AGAP1: variants seen among roughly 807,000 people sequenced by gnomAD.
The protein encoded by AGAP1 is arf-GAP with GTPase, ANK repeat and PH domain-containing protein 1.
Under a neutral mutation model 105.3 loss-of-function variants are expected in AGAP1, and 29 were observed. The ratio of observed to expected loss-of-function variants is 0.28; its 90% CI spans 0.21 to 0.38. The LOEUF (loss-of-function observed/expected upper bound fraction) is 0.38, where lower values mean the gene tolerates loss of function less well. Ranked by LOEUF, AGAP1 falls within the 10% of genes least tolerant of loss-of-function variation. The pLI is 1.00. For missense variants in AGAP1, 998 were observed against 1,165.1 expected, an observed-to-expected ratio of 0.86 and a Z score of 2.09; for synonymous variants, 509 against 485.9, an observed-to-expected ratio of 1.05 and a Z score of -0.63.
chr2:235,560,824 C>T (rs1034056326), intron 1 of AGAP1, among the ~76,000 whole-genome samples: 2 of 152,186 alleles, frequency 1.3e-5, no homozygotes, highest in Admixed American at 1.3e-4. Context: ...TGAGTGGTCA[C>T]GGCGGCAGTA....
At chr2:235,530,974 T>C (rs1483346032) in intron 1 of AGAP1, among the ~76,000 whole-genome samples, 1 of 152,124 alleles carries the variant, frequency 6.6e-6, no homozygotes, top group African/African-American at 2.4e-5. Context: ...CGGTTGAGGG[T>C]AGGGGGACAC....
At position 235,911,374 on chromosome 2, in the gene AGAP1, G is replaced by A. The variant is rs188841713; in HGVS notation, c.1324+2468G>A. On this transcript the variant is annotated intron_variant, in intron 11 of 17. Transcript: ENST00000304032. ...GATGCTGCGGTCGGCTCCCCAGGAGGTAGGCCAGGCTTCAAGGGATGGGGG... is the reference window on the plus strand; with the variant it reads ...GATGCTGCGGTCGGCTCCCCAGGAGATAGGCCAGGCTTCAAGGGATGGGGG... Among the ~76,000 whole-genome samples the A allele has an allele frequency of 3.8e-3, 577 of 152,288 alleles. 2 individuals carry two copies. Among genetic ancestry groups the A allele is most frequent in the Non-Finnish European group, 5.7e-3 (391 of 68,024 alleles).
In AGAP1 at chr2:235,611,121, C is replaced by G. The variant is rs576966832; in HGVS notation, c.164-98058C>G. ...CTTCCACTGCCCCGAGGGGAGGACT[C>G]TGCCCTACTGGATCCTCCACCTCTC... On this transcript the variant is annotated intron_variant, in intron 1 of 17. Coordinates refer to ENST00000304032, the MANE Select transcript of AGAP1 (RefSeq NM_001037131.3). This position sits in a 1 kb window ranked among gnomAD's most constrained non-coding sequence, Gnocchi z 5.0. Among the ~76,000 whole-genome samples the G allele has an allele frequency of 6.9e-3, 993 of 144,542 alleles. 12 individuals are homozygous for G. Among genetic ancestry groups the G allele is most frequent in the African/African-American group, 0.028 (969 of 34,300 alleles). The allele number at this position is 144,542 out of a possible 152,430, so 94.8% of individuals were successfully genotyped here.
intron 1 of AGAP1, among the ~76,000 whole-genome samples, chr2:235,643,047 A>AG (rs959616355): frequency 1.3e-5 from 2 of 152,182 alleles, no homozygotes; most frequent in African/African-American, 4.8e-5. Flanking sequence ...GACAGACTCC[A>AG]GGGACCAGCT....
At chr2:236,039,340 G>A (rs1451372350) in intron 14 of AGAP1, among the ~76,000 whole-genome samples, 1 of 152,130 alleles carries the variant, frequency 6.6e-6, no homozygotes, top group East Asian at 1.9e-4. Flanking sequence ...AGCTACTCAG[G>A]AGGCTGAGGT....
intron 1 of AGAP1, among the ~76,000 whole-genome samples, chr2:235,657,779 C>T (rs985142872): frequency 5.3e-5 from 8 of 152,266 alleles, no homozygotes; most frequent in Non-Finnish European, 1.0e-4. Context: ...CCCAGTGCCT[C>T]ATAATGCGAT....
rs1334467360 is a variant in AGAP1 at position 235,615,911 on chromosome 2, C to G, written c.164-93268C>G. ...ACAAAAATATGTATTACATATAGAG[C>G]ATTGTCTTCTATATGTAAAGAGTTC... On this transcript the variant is annotated intron_variant, in intron 1 of 17. Transcript: ENST00000304032. The surrounding 1 kb of genome is among the most constrained non-coding windows in gnomAD (Gnocchi z 5.0). Among the ~76,000 whole-genome samples the G allele has an allele frequency of 6.6e-6, 1 of 152,078 alleles. No individual in the cohort carries two copies. Among genetic ancestry groups the G allele is most frequent in the African/African-American group, 2.4e-5 (1 of 41,412 alleles).
chr2:235,679,573 C>G (rs1200911747), intron 1 of AGAP1, among the ~76,000 whole-genome samples: 2 of 152,228 alleles, frequency 1.3e-5, no homozygotes, highest in African/African-American at 2.4e-5. Context: ...CCTTCCCACT[C>G]CTCTTATTCG....
At chr2:236,115,611 C>T (rs1255239097) in intron 16 of AGAP1, among the ~76,000 whole-genome samples, 3 of 152,146 alleles carry the variant, frequency 2.0e-5, no homozygotes, top group African/African-American at 7.2e-5. Flanking sequence ...GCTGAAGTAG[C>T]ACCAAAAAAC....
At chr2:235,537,859 G>A (rs1273203298) in intron 1 of AGAP1, among the ~76,000 whole-genome samples, 6 of 152,054 alleles carry the variant, frequency 3.9e-5, no homozygotes, top group African/African-American at 4.8e-5. Flanking sequence ...TTTCTGCACG[G>A]CATTAAGTCA....
intron 1 of AGAP1, among the ~76,000 whole-genome samples, chr2:235,514,167 CACA>C: frequency 1.1e-5 from 1 of 92,776 alleles, no homozygotes; most frequent in Non-Finnish European, 2.4e-5. Flanking sequence ...CGCGCGCACA[CACA>C]CACACACACA....
chr2:235,535,126 A>T lies in AGAP1; in HGVS notation c.163+40277A>T, dbSNP rs143545977. Among the ~76,000 whole-genome samples, 167 of 152,222 alleles carry T rather than the reference A, an allele frequency of 1.1e-3. No homozygotes were observed. The highest frequency in any genetic ancestry group is 2.9e-3 in the Admixed American group (44 of 15,292). ...TGGATTCTCGCCAGGGCCAATACTT[A>T]TCCGCAGGGGTGTGTGCCAGGCAGC... On this transcript the variant is annotated intron_variant, in intron 1 of 17. Coordinates refer to ENST00000304032, the MANE Select transcript of AGAP1 (RefSeq NM_001037131.3). This position sits in a 1 kb window ranked among gnomAD's most constrained non-coding sequence, Gnocchi z 5.1.
chr2:235,843,533 A>C lies in AGAP1; in HGVS notation c.1050+36202A>C, dbSNP rs1205763437. ...TGCACAGCACTCTTTCTGCTGTGGG[A>C]TGCCTCCGCCTCCCTTCGTTCCCCA... On this transcript the variant is annotated intron_variant, in intron 9 of 17. Transcript: ENST00000304032. The surrounding 1 kb of genome is among the most constrained non-coding windows in gnomAD (Gnocchi z 5.9). 6.6e-6 allele frequency among the ~76,000 whole-genome samples: 1 copy of C among 151,970 alleles called. No individual in the cohort carries two copies. Among genetic ancestry groups the C allele is most frequent in the African/African-American group, 2.4e-5 (1 of 41,358 alleles).
Position 235,691,690 on chromosome 2 carries a change from A to G in AGAP1, c.164-17489A>G, listed in dbSNP as rs1949740964. On this transcript the variant is annotated intron_variant, in intron 1 of 17. Transcript: ENST00000304032. This position sits in a 1 kb window ranked among gnomAD's most constrained non-coding sequence, Gnocchi z 4.4. The stretch of plus-strand genomic sequence containing the variant: ...TTATGCACATCTGCAGAAGGCTGCA[A>G]GCTGGGGAACTGAGGGGCCTCTTGG... Among the ~76,000 whole-genome samples, 1 of 152,224 alleles carries G rather than the reference A, an allele frequency of 6.6e-6. No individual in the cohort carries two copies. The highest frequency in any genetic ancestry group is 1.5e-5 in the Non-Finnish European group (1 of 68,034).
chr2:236,042,875 A>G lies in AGAP1; in HGVS notation c.1891+2034A>G, dbSNP rs373158561. On this transcript the variant is annotated intron_variant, in intron 15 of 17. Coordinates refer to ENST00000304032, the MANE Select transcript of AGAP1 (RefSeq NM_001037131.3). This position sits in a 1 kb window ranked among gnomAD's most constrained non-coding sequence, Gnocchi z 5.6. ...ATTTGCTAAATGTGTGGTCTGTGTC[A>G]GCCCGGTGCCAAACCCTCCCATGCG... is the stretch of plus-strand genomic sequence containing the variant. Among the ~76,000 whole-genome samples, 13 of 152,362 alleles carry G rather than the reference A, an allele frequency of 8.5e-5. No homozygotes were observed. Among genetic ancestry groups the G allele is most frequent in the African/African-American group, 2.6e-4 (11 of 41,596 alleles).
chr2:235,766,261 G>A (rs550118561), intron 6 of AGAP1, among the ~76,000 whole-genome samples: 9 of 152,296 alleles, frequency 5.9e-5, no homozygotes, highest in African/African-American at 2.2e-4. Flanking sequence ...AATTCACAGA[G>A]CGTTTTCTGC....
chr2:235,970,935 C>G lies in AGAP1; in HGVS notation c.1645+2312C>G, dbSNP rs1439881938. ...CCAAGCAGCAAATGGGGGCCCCTTTCCTTAAAGGGTCTTACTGCTGAGGTG... is the reference window on the plus strand; with the variant it reads ...CCAAGCAGCAAATGGGGGCCCCTTTGCTTAAAGGGTCTTACTGCTGAGGTG... On this transcript the variant is annotated intron_variant, in intron 13 of 17. Coordinates refer to ENST00000304032, the MANE Select transcript of AGAP1 (RefSeq NM_001037131.3). The surrounding 1 kb of genome is among the most constrained non-coding windows in gnomAD (Gnocchi z 5.4). 2.6e-5 allele frequency among the ~76,000 whole-genome samples: 4 copies of G among 152,126 alleles called. No homozygotes were observed. The highest frequency in any genetic ancestry group is 9.7e-5 in the African/African-American group (4 of 41,422).
At chr2:235,942,022 G>GCACTCCT (rs1266001530) in intron 12 of AGAP1, among the ~76,000 whole-genome samples, 2 of 152,134 alleles carry the variant, frequency 1.3e-5, no homozygotes, top group Non-Finnish European at 1.5e-5. Flanking sequence ...CATCCTCCCT[G>GCACTCCT]CACTCCTCTT....
intron 16 of AGAP1, among the ~76,000 whole-genome samples, chr2:236,098,193 A>G (rs2059243001): frequency 6.6e-6 from 1 of 152,170 alleles, no homozygotes; most frequent in South Asian, 2.1e-4. Context: ...TCTTTTGGGT[A>G]TATACCTAGA....
Sources: gnomAD v4.1 joint callset for allele counts (sites outside exome capture counted in the v4.1 genomes callset) on GRCh38, gnomAD v4.1.1 for gene constraint, Gnocchi (gnomAD v3.1) non-coding constraint, MANE v1.5 for transcripts, NCBI Gene and HGNC (gene_info 2026-07-23, HGNC 2026-07-21) for gene names.